Variants in GFRAL observed in about 807,000 individuals in gnomAD.
GFRAL encodes the protein GDNF family receptor alpha like.
GFRAL carries 36 observed loss-of-function variants against 45.4 expected under a neutral mutation model. The observed-to-expected ratio is 0.79, with a 90% CI of 0.61 to 1.05. GFRAL has a LOEUF of 1.05. GFRAL is among the 50% of genes least tolerant of loss of function. The probability of loss-of-function intolerance (pLI) is 0.00; values close to 1 mark genes in which losing one functional copy is unlikely to be tolerated. For missense variants in GFRAL, 507 were observed against 467.5 expected (o/e 1.08, Z -0.78); for synonymous variants, 166 against 154.1 (o/e 1.08, Z -0.57).
At chr6:55,366,325 C>G (rs1768362719) in intron 6 of GFRAL, among the ~76,000 whole-genome samples, 3 of 151,796 alleles carry the variant, frequency 2.0e-5, no homozygotes, top group Admixed American at 1.3e-4. Flanking sequence ...TTTGATTCTG[C>G]TCTTTTTTTT....
At chr6:55,346,841 C>CA (rs201074401) in intron 3 of GFRAL, among the ~76,000 whole-genome samples, 2,259 of 76,408 alleles carry the variant, frequency 0.03, 125 homozygotes, top group African/African-American at 0.078. Flanking sequence ...TCCCCCCCCC[C>CA]CAAAAAAAAG....
chr6:55,334,603 A>T (rs1455616720), intron 3 of GFRAL, among the ~76,000 whole-genome samples: 2 of 152,198 alleles, frequency 1.3e-5, no homozygotes, highest in African/African-American at 4.8e-5. Context: ...CTGTTATCAC[A>T]GAGTGCTCAA....
intron 1 of GFRAL, among the ~76,000 whole-genome samples, chr6:55,331,162 A>C (rs548334807): frequency 6.6e-6 from 1 of 152,268 alleles, no homozygotes; most frequent in African/African-American, 2.4e-5. Flanking sequence ...AGTACATGGA[A>C]TTTTCTGCAG....
rs557520732 is a variant in GFRAL at position 55,375,713 on chromosome 6, T to C, written c.952+16575T>C. 3.2e-4 allele frequency among the ~76,000 whole-genome samples: 49 copies of C among 152,290 alleles called. No homozygotes were observed. In the South Asian group the frequency reaches 9.7e-3, roughly 30 times the overall value. On this transcript the variant is annotated intron_variant, in intron 6 of 8. Transcript: ENST00000340465. ...TGTGTCACTTTGCACATTAATCTTA[T>C]ATCCTGAGACTTTGCTGAAGTTGCT...
intron 6 of GFRAL, among the ~76,000 whole-genome samples, chr6:55,387,944 A>G: frequency 6.6e-6 from 1 of 152,216 alleles, no homozygotes; most frequent in East Asian, 1.9e-4. Context: ...TAAACAAATT[A>G]GTTCTCAAAC....
At chr6:55,395,216 C>T (rs1441447915) in intron 6 of GFRAL, among the ~76,000 whole-genome samples, 1 of 141,730 alleles carries the variant, frequency 7.1e-6, no homozygotes, top group African/African-American at 2.7e-5. Context: ...TAAAATTTTA[C>T]ACATTTTCCA....
chr6:55,349,057 G>A (rs1381673948), intron 3 of GFRAL, among the ~76,000 whole-genome samples: 1 of 152,044 alleles, frequency 6.6e-6, no homozygotes, highest in African/African-American at 2.4e-5. Flanking sequence ...TCCTCAGAGA[G>A]GCGGGATGAT....
intron 6 of GFRAL, among the ~76,000 whole-genome samples, chr6:55,395,471 T>G (rs1768812732): frequency 6.6e-6 from 1 of 151,918 alleles, no homozygotes; most frequent in African/African-American, 2.4e-5. Context: ...AGGTAAAAAT[T>G]ACTGTTCAAT....
chr6:55,344,368 T>G (rs1034994950), intron 3 of GFRAL, among the ~76,000 whole-genome samples: 5 of 151,868 alleles, frequency 3.3e-5, no homozygotes, highest in African/African-American at 4.8e-5. Context: ...TCCCTGGGAT[T>G]CAAGGCTGGT....
chr6:55,329,443 T>C (rs1330582715), intron 1 of GFRAL, among the ~76,000 whole-genome samples: 2 of 152,154 alleles, frequency 1.3e-5, no homozygotes, highest in African/African-American at 2.4e-5. Flanking sequence ...TTATCACTTA[T>C]AAGATTCTTG....
At chr6:55,327,863 G>C (rs529665937) in intron 1 of GFRAL, among the ~76,000 whole-genome samples, 1 of 151,826 alleles carries the variant, frequency 6.6e-6, no homozygotes, top group African/African-American at 2.4e-5. Flanking sequence ...TTACTTATTA[G>C]GATTAATGGA....
chr6:55,353,405 C>G (rs9475252), intron 5 of GFRAL, among the ~76,000 whole-genome samples: 4,790 of 152,100 alleles, frequency 0.031, 115 homozygotes, highest in African/African-American at 0.064. Flanking sequence ...AACTGCTTCC[C>G]TATAGCACAC....
At chr6:55,399,532 C>G (rs1581763734) in intron 8 of GFRAL, 91 bp downstream of exon 8, 2 of 848,750 alleles carry the variant, frequency 2.4e-6, no homozygotes, top group East Asian at 4.9e-5. Context: ...TTACAAAGAG[C>G]CTGAGAATGA....
intron 1 of GFRAL, among the ~76,000 whole-genome samples, chr6:55,329,057 G>C (rs1039787053): frequency 2.0e-5 from 3 of 152,026 alleles, no homozygotes; most frequent in Non-Finnish European, 4.4e-5. Flanking sequence ...TTTAAAAATA[G>C]AAGTTATTTT....
chr6:55,359,827 A>T (rs1449079652), intron 6 of GFRAL, among the ~76,000 whole-genome samples: 1 of 151,978 alleles, frequency 6.6e-6, no homozygotes, highest in Non-Finnish European at 1.5e-5. Context: ...GCAAATCACA[A>T]TGGCCAACCT....
intron 6 of GFRAL, among the ~76,000 whole-genome samples, chr6:55,395,175 A>AATATATATATATATATATAT (rs1234650477): frequency 8.1e-6 from 1 of 123,490 alleles, no homozygotes; most frequent in African/African-American, 3.5e-5. Context: ...AAAAAAAAAA[A>AATATATATATATATATATAT]ATATATATAT....
intron 3 of GFRAL, among the ~76,000 whole-genome samples, chr6:55,339,389 C>T (rs1215674460): frequency 2.6e-5 from 4 of 151,996 alleles, no homozygotes; most frequent in Non-Finnish European, 4.4e-5. Flanking sequence ...AGGAGCATGC[C>T]TCATCAAGCT....
At position 55,350,072 on chromosome 6, in the gene GFRAL, T is replaced by C; in HGVS notation, c.317-20T>C. 2 of 1,412,854 alleles carry C rather than the reference T, an allele frequency of 1.4e-6. No homozygotes were observed. The highest frequency in any genetic ancestry group is 2.0e-6 in the Non-Finnish European group (2 of 1,000,728). The allele number at this position is 1,412,854 out of a possible 1,614,324, so 87.5% of individuals were successfully genotyped here. Reference sequence around the variant, plus strand: ...AGAAAATTGTTCAATAATGAAATAATTTCTTTGTTTTCCTTCTAGATAACG... The same window carrying C: ...AGAAAATTGTTCAATAATGAAATAACTTCTTTGTTTTCCTTCTAGATAACG... On this transcript the variant is annotated intron_variant, in intron 3 of 8. Coordinates refer to ENST00000340465, the MANE Select transcript of GFRAL (RefSeq NM_207410.2).
intron 6 of GFRAL, among the ~76,000 whole-genome samples, chr6:55,392,364 C>T (rs1292203409): frequency 6.6e-6 from 1 of 152,214 alleles, no homozygotes; most frequent in Non-Finnish European, 1.5e-5. Flanking sequence ...GAAGTAATTA[C>T]TTACATAGGT....
Sources: gnomAD v4.1 joint callset for allele counts (sites outside exome capture counted in the v4.1 genomes callset) on GRCh38, gnomAD v4.1.1 for gene constraint, MANE v1.5 for transcripts, NCBI Gene and HGNC (gene_info 2026-07-23, HGNC 2026-07-21) for gene names.